The following GLRB variants were observed in gnomAD, a reference collection of about 807,000 sequenced individuals.
The protein encoded by GLRB is glycine receptor subunit beta.
GLRB carries 33 observed loss-of-function variants against 54.2 expected under a neutral mutation model. The ratio of observed to expected loss-of-function variants is 0.61; its 90% CI spans 0.46 to 0.81. GLRB has a LOEUF of 0.81. Among genes scored for constraint, GLRB ranks in the 40% least tolerant of loss-of-function variants. GLRB has a pLI of 0.00. For missense variants in GLRB, 572 were observed against 584.6 expected, an observed-to-expected ratio of 0.98 and a Z score of 0.22; for synonymous variants, 209 against 208.2, an observed-to-expected ratio of 1.00 and a Z score of -0.03.
chr4:157,129,407 T>C (rs1030966081), intron 4 of GLRB, among the ~76,000 whole-genome samples: 10 of 151,850 alleles, frequency 6.6e-5, no homozygotes. Flanking sequence ...CTAGTAATTA[T>C]TTGAAAATAC....
chr4:157,082,406 C>A (rs1014066689), intron 2 of GLRB, among the ~76,000 whole-genome samples: 5 of 152,136 alleles, frequency 3.3e-5, no homozygotes, highest in South Asian at 2.1e-4. Flanking sequence ...GTCTTCATTA[C>A]CTTAATCACC....
rs773849933 is a variant in GLRB at position 157,170,760 on chromosome 4, C to T, written c.*32C>T. 5.5e-6 allele frequency: 7 copies of T among 1,271,466 alleles called. No homozygotes were observed. Among genetic ancestry groups the T allele is most frequent in the Non-Finnish European group, 2.2e-6 (2 of 925,480 alleles). 78.8% of individuals were successfully genotyped at this position (1,271,466 alleles called of 1,614,324 possible). On this transcript the variant is annotated 3_prime_UTR_variant, in exon 10 of 10. Transcript: ENST00000264428. Reference sequence around the variant, plus strand: ...TTTTCCATTTGTACAAAATAAAATTCCATTTCATTGTGACCTACTCCTTTC... The same window carrying T: ...TTTTCCATTTGTACAAAATAAAATTTCATTTCATTGTGACCTACTCCTTTC...
chr4:157,087,661 T>G (rs2126440763), intron 2 of GLRB, among the ~76,000 whole-genome samples: 1 of 151,738 alleles, frequency 6.6e-6, no homozygotes, highest in Non-Finnish European at 1.5e-5. Flanking sequence ...AGAGTTGATT[T>G]ATCAAAACAT....
intron 2 of GLRB, among the ~76,000 whole-genome samples, chr4:157,101,343 G>A (rs1042297401): frequency 6.6e-6 from 1 of 151,884 alleles, no homozygotes; most frequent in Non-Finnish European, 1.5e-5. Flanking sequence ...ATACAATGTA[G>A]TATATTCCAT....
intron 2 of GLRB, among the ~76,000 whole-genome samples, chr4:157,102,003 G>A (rs1346081173): frequency 6.6e-6 from 1 of 152,104 alleles, no homozygotes; most frequent in Non-Finnish European, 1.5e-5. Flanking sequence ...GTGTTTTCAA[G>A]TAATAGCTAT....
At chr4:157,147,066 TC>T (rs1418301695) in intron 8 of GLRB, among the ~76,000 whole-genome samples, 1 of 152,156 alleles carries the variant, frequency 6.6e-6, no homozygotes, top group East Asian at 1.9e-4. Context: ...ACGTTAAGGT[TC>T]CAATGTCAGT....
chr4:157,097,913 T>G (rs1406366376), intron 2 of GLRB, among the ~76,000 whole-genome samples: 1 of 151,960 alleles, frequency 6.6e-6, no homozygotes, highest in East Asian at 1.9e-4. Flanking sequence ...CCCAGCTCCT[T>G]GGGAGGCTGA....
intron 2 of GLRB, among the ~76,000 whole-genome samples, chr4:157,118,286 G>A (rs920868729): frequency 6.6e-6 from 1 of 151,686 alleles, no homozygotes; most frequent in Non-Finnish European, 1.5e-5. Flanking sequence ...AGTGTATTTT[G>A]TAATCAATCA....
rs1443923335 is a variant in GLRB at position 157,104,229 on chromosome 4, A to G, written c.123-16327A>G. On this transcript the variant is annotated intron_variant, in intron 2 of 9. Transcript: ENST00000264428. ...TTATAATGTGAAGTAATTTCCTTCT[A>G]TTCCTAGTTGATTGGGCATTTTTTA... Among the ~76,000 whole-genome samples the G allele has an allele frequency of 2.0e-5, 3 of 152,130 alleles. No individual in the cohort carries two copies. The East Asian group carries it at 5.8e-4, about 29-fold the overall frequency.
At chr4:157,076,781 C>T (rs1278344577) in intron 1 of GLRB, among the ~76,000 whole-genome samples, 1 of 151,868 alleles carries the variant, frequency 6.6e-6, no homozygotes, top group African/African-American at 2.4e-5. Context: ...GGCAAGGTGT[C>T]TGGAAGCAGG....
At chr4:157,163,748 C>T in intron 9 of GLRB, among the ~76,000 whole-genome samples, 1 of 152,056 alleles carries the variant, frequency 6.6e-6, no homozygotes, top group Non-Finnish European at 1.5e-5. Flanking sequence ...TGCAGGAACT[C>T]ACCATTTTAT....
At chr4:157,150,623 T>C (rs1736986870) in intron 8 of GLRB, among the ~76,000 whole-genome samples, 1 of 152,098 alleles carries the variant, frequency 6.6e-6, no homozygotes, top group South Asian at 2.1e-4. Context: ...TGCAATGTGC[T>C]GTGTCATGAT....
chr4:157,148,326 G>A (rs753849422), intron 8 of GLRB, among the ~76,000 whole-genome samples: 4 of 151,960 alleles, frequency 2.6e-5, no homozygotes, highest in Non-Finnish European at 2.9e-5. Context: ...CAAAGCACCA[G>A]CTTTTATCTC....
chr4:157,108,190 C>CTA (rs887459872), intron 2 of GLRB, among the ~76,000 whole-genome samples: 1 of 152,078 alleles, frequency 6.6e-6, no homozygotes, highest in Non-Finnish European at 1.5e-5. Context: ...TTCATGCCTG[C>CTA]TAATACAGCA....
intron 2 of GLRB, among the ~76,000 whole-genome samples, chr4:157,086,863 G>A (rs1226925310): frequency 1.3e-5 from 2 of 152,050 alleles, no homozygotes; most frequent in African/African-American, 4.8e-5. Flanking sequence ...AAGATCTCAT[G>A]GGCCTATGAT....
chr4:157,106,704 A>G (rs1466873665), intron 2 of GLRB, among the ~76,000 whole-genome samples: 2 of 151,962 alleles, frequency 1.3e-5, no homozygotes, highest in Non-Finnish European at 2.9e-5. Flanking sequence ...CAGGCTTTCA[A>G]TATCAAACTA....
chr4:157,158,200 T>A (rs1737314134), intron 9 of GLRB, among the ~76,000 whole-genome samples: 1 of 152,226 alleles, frequency 6.6e-6, no homozygotes. Context: ...CTTGTAAATT[T>A]GTTTAAGTTC....
intron 9 of GLRB, among the ~76,000 whole-genome samples, chr4:157,160,475 A>G (rs575167289): frequency 1.5e-4 from 23 of 152,164 alleles, no homozygotes; most frequent in African/African-American, 4.8e-4. Flanking sequence ...ATTTAGTGCT[A>G]TAAATTTCCC....
intron 9 of GLRB, among the ~76,000 whole-genome samples, chr4:157,164,747 C>T (rs1237508704): frequency 6.6e-6 from 1 of 152,032 alleles, no homozygotes; most frequent in Non-Finnish European, 1.5e-5. Flanking sequence ...CTATCTAGAA[C>T]CAGCTTTCTA....
Sources: gnomAD v4.1 joint callset for allele counts (sites outside exome capture counted in the v4.1 genomes callset) on GRCh38, gnomAD v4.1.1 for gene constraint, MANE v1.5 for transcripts, NCBI Gene and HGNC (gene_info 2026-07-23, HGNC 2026-07-21) for gene names.